Variants in RABGAP1 observed in about 807,000 individuals in gnomAD.
RABGAP1 encodes RAB GTPase activating protein 1, also known as rab GTPase-activating protein 1.
Under a neutral mutation model 137.6 loss-of-function variants are expected in RABGAP1, and 23 were observed. The observed-to-expected ratio is 0.17, with a 90% CI of 0.12 to 0.24. RABGAP1 has a LOEUF of 0.24. RABGAP1 is among the 10% of genes least tolerant of loss of function. RABGAP1 has a pLI of 1.00. For synonymous variants in RABGAP1, 451 were observed against 450.7 expected (o/e 1.00, Z -0.01); for missense variants, 906 against 1,275.8 (o/e 0.71, Z 4.42).
At chr9:123,029,777 G>A (rs1174049469) in intron 13 of RABGAP1, 5 of 573,264 alleles carry the variant, frequency 8.7e-6, no homozygotes, top group Admixed American at 6.1e-5. Context: ...GAGCAGTGGC[G>A]AACACTGCAG....
intron 22 of RABGAP1, among the ~76,000 whole-genome samples, 162 bp from the exon 23 acceptor site, chr9:123,098,551 CAG>C (rs1406967144): frequency 6.6e-6 from 1 of 152,168 alleles, no homozygotes; most frequent in Non-Finnish European, 1.5e-5. Context: ...GCATCAGGAA[CAG>C]GGGATTAGTG....
intron 1 of RABGAP1, among the ~76,000 whole-genome samples, chr9:122,951,272 T>C (rs574557600): frequency 6.6e-6 from 1 of 152,212 alleles, no homozygotes; most frequent in East Asian, 1.9e-4. Flanking sequence ...ACACCTCTTA[T>C]TAAGCTAGGT....
At chr9:123,099,687 C>T in intron 24 of RABGAP1, 138 bp downstream of exon 24, 1 of 672,418 alleles carries the variant, frequency 1.5e-6, no homozygotes, top group Middle Eastern at 4.0e-4. Flanking sequence ...GGTCCTGGCT[C>T]AGTAGTTGAC....
At chr9:122,989,511 A>T in intron 5 of RABGAP1, 40 bp downstream of exon 5, 2 of 1,577,230 alleles carry the variant, frequency 1.3e-6, no homozygotes, top group Non-Finnish European at 1.7e-6. Context: ...ATGAAACTTC[A>T]CCAGTGCCCT....
upstream of RABGAP1, chr9:122,939,547 CA>C (rs1303024974): frequency 6.6e-6 from 1 of 151,768 alleles, no homozygotes; most frequent in East Asian, 1.9e-4. Context: ...GTCTATTCTC[CA>C]AAGCATGTTG....
intron 1 of RABGAP1, among the ~76,000 whole-genome samples, chr9:122,955,794 A>G (rs1192229102): frequency 6.6e-6 from 1 of 152,218 alleles, no homozygotes; most frequent in Non-Finnish European, 1.5e-5. Flanking sequence ...TGCTCCATAA[A>G]TATATAGTCA....
intron 14 of RABGAP1, among the ~76,000 whole-genome samples, chr9:123,069,297 A>G (rs2034277341): frequency 6.6e-6 from 1 of 152,216 alleles, no homozygotes. Flanking sequence ...GTCTTTGCCA[A>G]AAGAGCTTTT....
intron 10 of RABGAP1, among the ~76,000 whole-genome samples, chr9:123,002,586 A>G (rs1837382224): frequency 6.6e-6 from 1 of 151,628 alleles, no homozygotes. Context: ...GTGGTTGGGT[A>G]TAGAAGAATA....
At chr9:123,004,449 T>A (rs1194586626) in intron 10 of RABGAP1, among the ~76,000 whole-genome samples, 1 of 152,022 alleles carries the variant, frequency 6.6e-6, no homozygotes, top group African/African-American at 2.4e-5. Context: ...CATGCCTGGC[T>A]AATTTTTTAA....
chr9:123,057,598 A>AT (rs895482378), intron 13 of RABGAP1, among the ~76,000 whole-genome samples: 17 of 150,210 alleles, frequency 1.1e-4, no homozygotes, highest in Non-Finnish European at 2.5e-4. Context: ...GGCTCCTCAC[A>AT]TCCCAGACGA....
chr9:123,031,345 T>C (rs1036623988), intron 13 of RABGAP1, among the ~76,000 whole-genome samples: 3 of 152,180 alleles, frequency 2.0e-5, no homozygotes, highest in African/African-American at 7.2e-5. Flanking sequence ...AAAAATAAAG[T>C]CTATGGCAAG....
At chr9:122,988,248 G>A (rs1452519287) in intron 4 of RABGAP1, among the ~76,000 whole-genome samples, 1 of 152,172 alleles carries the variant, frequency 6.6e-6, no homozygotes, top group Non-Finnish European at 1.5e-5. Context: ...TTTCAAACCT[G>A]TGTTAGATCC....
intron 13 of RABGAP1, among the ~76,000 whole-genome samples, chr9:123,028,557 A>G (rs1167159993): frequency 1.3e-5 from 2 of 152,204 alleles, no homozygotes; most frequent in Non-Finnish European, 2.9e-5. Flanking sequence ...TGTGGTCTTA[A>G]AAGTCAGAGA....
At chr9:123,002,538 A>G (rs1027753203) in intron 10 of RABGAP1, among the ~76,000 whole-genome samples, 1 of 151,554 alleles carries the variant, frequency 6.6e-6, no homozygotes, top group African/African-American at 2.4e-5. Context: ...ATGTTATACA[A>G]CCTTGGATTC....
At chr9:123,048,364 G>A (rs1360559748) in intron 13 of RABGAP1, among the ~76,000 whole-genome samples, 1 of 152,144 alleles carries the variant, frequency 6.6e-6, no homozygotes, top group Non-Finnish European at 1.5e-5. Context: ...GCATTTATAA[G>A]CATTTTCTTG....
chr9:123,101,901 A>G (rs2035357368), intron 25 of RABGAP1, 138 bp downstream of exon 25: 4 of 904,964 alleles, frequency 4.4e-6, no homozygotes, highest in Admixed American at 6.7e-5. Context: ...GAGAAGAAAT[A>G]TAGGACTTGT....
At chr9:122,956,055 A>C (rs1834499129) in intron 1 of RABGAP1, among the ~76,000 whole-genome samples, 1 of 152,222 alleles carries the variant, frequency 6.6e-6, no homozygotes, top group Non-Finnish European at 1.5e-5. Flanking sequence ...TAATTGAATG[A>C]ATTTTCATAA....
intron 1 of RABGAP1, among the ~76,000 whole-genome samples, chr9:122,954,123 A>G (rs76011426): frequency 2.4e-4 from 37 of 152,316 alleles, no homozygotes; most frequent in Non-Finnish European, 4.4e-4. Flanking sequence ...GGGACTTTTT[A>G]TGGTAACTGA....
intron 16 of RABGAP1, 140 bp from the exon 17 acceptor site, chr9:123,074,145 G>A (rs1336950211): frequency 1.0e-6 from 1 of 953,604 alleles, no homozygotes; most frequent in South Asian, 1.7e-5. Flanking sequence ...CAGATGATAA[G>A]TGTTCTAAGC....
Sources: allele counts gnomAD v4.1 joint callset (sites outside exome capture counted in the v4.1 genomes callset), GRCh38; gene constraint gnomAD v4.1.1; transcripts MANE v1.5; gene names NCBI Gene and HGNC (gene_info 2026-07-23, HGNC 2026-07-21).